Variants in ERN1 observed in about 807,000 individuals in gnomAD.
ERN1 encodes the protein serine/threonine-protein kinase/endoribonuclease IRE1.
In ERN1, 39 loss-of-function variants were observed where a neutral mutation model predicts 113.1. That is an observed-to-expected ratio of 0.34 (90% CI 0.27 to 0.45). The LOEUF (loss-of-function observed/expected upper bound fraction) is 0.45, where lower values mean the gene tolerates loss of function less well. Among genes scored for constraint, ERN1 ranks in the 20% least tolerant of loss-of-function variants. ERN1 has a pLI of 1.00. For synonymous variants in ERN1, 507 were observed against 515.9 expected, an observed-to-expected ratio of 0.98 and a Z score of 0.23; for missense variants, 976 against 1,274.8, an observed-to-expected ratio of 0.77 and a Z score of 3.57.
At chr17:64,058,123 G>T (rs1912937522) in intron 11 of ERN1, 130 bp from the exon 12 acceptor site, 1 of 720,846 alleles carries the variant, frequency 1.4e-6, no homozygotes, top group Non-Finnish European at 2.2e-6. Flanking sequence ...TTTGTTTTAA[G>T]CTCACCAAAG....
chr17:64,110,501 ATGTAGCCACTGCCAATTCCTTT>A (rs1598086117), intron 1 of ERN1, among the ~76,000 whole-genome samples: 1 of 152,330 alleles, frequency 6.6e-6, no homozygotes, highest in East Asian at 1.9e-4. Context: ...GACGATGATA[ATGTAGCCACTGCCAATTCCTTT>A]GATGAAGCCA....
Position 64,044,897 on chromosome 17 carries a change from C to A in ERN1, c.2684G>T (p.Gly895Val). Residue 895 changes from glycine to valine, a missense_variant, in exon 21 of 22, where the codon GGT becomes GTT. Coordinates refer to ENST00000433197, the MANE Select transcript of ERN1 (RefSeq NM_001433.5). The surrounding 1 kb of genome is among the most constrained non-coding windows in gnomAD (Gnocchi z 4.1). ...GGCTCGGAGGAGATCTCTGACAGAA[C>A]CACCTTTATAGGTCCTGAATTTACG... ...DLRKFRTYKG[G>V]SVRDLLRAMR... 1.3e-6 allele frequency: 2 copies of A among 1,593,076 alleles called. No individual in the cohort carries two copies. The highest frequency in any genetic ancestry group is 1.1e-5 in the South Asian group (1 of 87,396).
At chr17:64,092,373 G>A (rs1202445823) in intron 2 of ERN1, among the ~76,000 whole-genome samples, 2 of 152,148 alleles carry the variant, frequency 1.3e-5, no homozygotes, top group Non-Finnish European at 2.9e-5. Context: ...ACACTCACGT[G>A]AGAATAAAAT....
rs777929073 is a variant in ERN1, at chr17:64,055,686, T to C, written c.1661A>G (p.Gln554Arg). The change falls in exon 13 of 22, where the codon CAA becomes CGA. Residue 554 changes from glutamine to arginine, a missense_variant. This residue lies in a region of ERN1 where 112 missense variants were observed against 106.2 expected (regional missense o/e 1.05). Transcript: ENST00000433197. ...GCAACTGGCTTTACCTCCATCGTCT[T>C]GTTCCAGGGAGGGGCTGCTGCCAGC... ...SKAGSSPSLE[Q>R]DDGDEETSVV... is the part of the protein sequence containing the mutation. The C allele has an allele frequency of 2.5e-6, 4 of 1,590,838 alleles. No homozygotes were observed. Among genetic ancestry groups the C allele is most frequent in the South Asian group, 1.1e-5 (1 of 88,226 alleles).
At chr17:64,102,105 C>A (rs1330985174) in intron 1 of ERN1, among the ~76,000 whole-genome samples, 1 of 152,006 alleles carries the variant, frequency 6.6e-6, no homozygotes, top group Non-Finnish European at 1.5e-5. Context: ...CATGGTGAAA[C>A]CCCGTCTGTA....
rs902021320 is a variant in ERN1, at chr17:64,042,594, C to A, written c.*1394G>T. 1 of 152,124 alleles carries A rather than the reference C, an allele frequency of 6.6e-6. No individual in the cohort carries two copies. The highest frequency in any genetic ancestry group is 2.4e-5 in the African/African-American group (1 of 41,420). The allele number at this position is 152,124 out of a possible 1,614,324, so 9.4% of individuals were successfully genotyped here. On this transcript the variant is annotated 3_prime_UTR_variant, in exon 22 of 22. Coordinates refer to ENST00000433197, the MANE Select transcript of ERN1 (RefSeq NM_001433.5). ...GGACAACATCTCCTTACACGGTAGG[C>A]TGATTGCATTTTAACCTCTAAGGCT... is the stretch of plus-strand genomic sequence containing the variant.
rs532122208 is a variant in ERN1, at chr17:64,057,691, A to G, written c.1398+111T>C. 3.2e-4 allele frequency: 346 copies of G among 1,080,102 alleles called. No individual in the cohort carries two copies. In the African/African-American group the frequency reaches 5.1e-3, roughly 16 times the overall value. The allele number at this position is 1,080,102 out of a possible 1,614,324, so 66.9% of individuals were successfully genotyped here. On this transcript the variant is annotated intron_variant, in intron 12 of 21. Transcript: ENST00000433197. ...CCGGCCAACAAACACTGACTTTTAA[A>G]TGGGGAAAGAAATGTGCTGGTTGTT...
intron 10 of ERN1, among the ~76,000 whole-genome samples, chr17:64,061,555 C>T (rs1913054691): frequency 6.6e-6 from 1 of 152,236 alleles, no homozygotes; most frequent in Admixed American, 6.5e-5. Flanking sequence ...GAGTTCCCAT[C>T]TTTAGGTCAG....
chr17:64,060,787 C>T (rs1277080175), intron 10 of ERN1, among the ~76,000 whole-genome samples, 200 bp from the exon 11 acceptor site: 2 of 152,166 alleles, frequency 1.3e-5, no homozygotes, highest in East Asian at 1.9e-4. Flanking sequence ...TGGCAGAATA[C>T]AGTATTCCAA....
rs58544303 is a variant in ERN1, at chr17:64,106,715, TACACACAC to T, written c.55-8482_55-8475del. On this transcript the variant is annotated intron_variant, in intron 1 of 21. Coordinates refer to ENST00000433197, the MANE Select transcript of ERN1 (RefSeq NM_001433.5). ...AGGACACCAGTCCTACAGGGTTTCT[TACACACAC>T]ACACACACACACACACACACACACA... is the stretch of plus-strand genomic sequence containing the variant. 4.2e-3 allele frequency among the ~76,000 whole-genome samples: 430 copies of T among 103,436 alleles called. 3 individuals carry two copies. Among genetic ancestry groups the T allele is most frequent in the Middle Eastern group, 5.2e-3 (1 of 192 alleles). The allele number at this position is 103,436 out of a possible 152,430, so 67.9% of individuals were successfully genotyped here. A position where few individuals can be genotyped will look rare whatever the true frequency, so the allele number is the denominator to read the frequency against.
At chr17:64,067,463 G>T (rs1350680486) in intron 7 of ERN1, among the ~76,000 whole-genome samples, 2 of 151,732 alleles carry the variant, frequency 1.3e-5, no homozygotes. Flanking sequence ...CCAGGTAGGT[G>T]GGGGAGTGGC....
intron 11 of ERN1, among the ~76,000 whole-genome samples, chr17:64,058,765 A>C (rs1032391536): frequency 6.6e-6 from 1 of 152,088 alleles, no homozygotes; most frequent in African/African-American, 2.4e-5. Context: ...AATTTCCCAC[A>C]TGCTAAACCT....
rs1913237184 is a variant in ERN1, at chr17:64,066,702, G to A, written c.811C>T (p.Pro271Ser). The change falls in exon 8 of 22, where the codon CCC becomes TCC. Residue 271 changes from proline (P) to serine (S), a missense_variant. Physicochemically the swap from Pro to Ser is moderately conservative, Grantham distance 74 (BLOSUM62 -1). Around this residue, in one of 5 missense-constraint regions of ERN1, gnomAD observed 459 missense variants for 581.2 expected, o/e 0.79. Transcript: ENST00000433197. ...GRITKWKYPF[P>S]KETEAKSKLT... ...TTGCTCTTGGCCTCTGTCTCCTTGG[G>A]GAACGGGTACTTCCACTTTGTGATG... The A allele has an allele frequency of 6.8e-6, 11 of 1,613,810 alleles. No individual in the cohort carries two copies. Among genetic ancestry groups the A allele is most frequent in the East Asian group, 4.5e-5 (2 of 44,898 alleles).
intron 1 of ERN1, among the ~76,000 whole-genome samples, chr17:64,101,095 A>G (rs1914371320): frequency 6.6e-6 from 1 of 152,120 alleles, no homozygotes; most frequent in South Asian, 2.1e-4. Flanking sequence ...CAATGAGGAA[A>G]AATGCAGATA....
intron 6 of ERN1, 147 bp from the exon 7 acceptor site, chr17:64,068,438 T>C (rs187488675): frequency 1.7e-5 from 11 of 633,492 alleles, no homozygotes; most frequent in Non-Finnish European, 2.8e-5. Flanking sequence ...AGAAAGGCAA[T>C]GTGAGGAGAA....
intron 5 of ERN1, among the ~76,000 whole-genome samples, chr17:64,073,548 G>A (rs1424118982): frequency 1.3e-5 from 2 of 151,632 alleles, no homozygotes; most frequent in African/African-American, 4.9e-5. Context: ...CTGGAGTGCA[G>A]TGGTGCAATC....
intron 1 of ERN1, among the ~76,000 whole-genome samples, chr17:64,113,723 G>A (rs527914973): frequency 1.0e-4 from 15 of 147,804 alleles, no homozygotes; most frequent in Non-Finnish European, 1.7e-4. Flanking sequence ...TCACTCTGTC[G>A]CCCAGGCTGG....
chr17:64,047,958 T>A lies in ERN1; in HGVS notation c.2429A>T (p.Glu810Val), dbSNP rs1442974237. 1 of 1,613,398 alleles carries A rather than the reference T, an allele frequency of 6.2e-7. No individual in the cohort carries two copies. Among genetic ancestry groups the A allele is most frequent in the East Asian group, 2.2e-5 (1 of 44,886 alleles). Residue 810 changes from glutamate to valine, a missense_variant, in exon 19 of 22, where the codon GAG becomes GTG. Glu to Val is a moderately radical substitution (Grantham distance 121). Transcript: ENST00000433197. ...CTGAGGATCCATCGCAATCATCTTC[T>A]CTATCAATTCACGTGCAATGACGTC... ...HEDVIARELI[E>V]KMIAMDPQKR...
intron 10 of ERN1, among the ~76,000 whole-genome samples, chr17:64,062,482 G>C (rs1350493732): frequency 6.6e-6 from 1 of 152,232 alleles, no homozygotes; most frequent in Non-Finnish European, 1.5e-5. Flanking sequence ...CCTCAGAAGA[G>C]GCTTTCGAAT....
Sources: gnomAD v4.1 joint callset for allele counts (sites outside exome capture counted in the v4.1 genomes callset) on GRCh38, gnomAD v4.1.1 for gene constraint, gnomAD v4.1.1 regional missense constraint, Gnocchi (gnomAD v3.1) non-coding constraint, MANE v1.5 for transcripts, NCBI Gene and HGNC (gene_info 2026-07-23, HGNC 2026-07-21) for gene names.